Variants in NHERF4 observed in about 807,000 individuals in gnomAD.
The protein encoded by NHERF4 is NHERF family PDZ scaffold protein 4.
the NHERF4 span, chr11:119,188,405 A>G: frequency 1.9e-5 from 31 of 1,613,620 alleles, no homozygotes; most frequent in African/African-American, 3.7e-4. Flanking sequence ...GAAGGCTGGG[A>G]TGCAGGCTGG....
chr11:119,189,299 C>A, the NHERF4 span: 1 of 1,493,080 alleles, frequency 6.7e-7, no homozygotes. This position sits in a 1 kb window ranked among gnomAD's most constrained non-coding sequence, Gnocchi z 5.8. Flanking sequence ...CAAGGTGAAG[C>A]CGTGTGGGGT....
the NHERF4 span, chr11:119,187,680 C>T: frequency 6.6e-7 from 1 of 1,524,624 alleles, no homozygotes; most frequent in Admixed American, 2.3e-5. Context: ...GAAGTTCACT[C>T]ACAACCAACT....
At chr11:119,186,108 C>A in the NHERF4 span, 1 of 1,613,126 alleles carries the variant, frequency 6.2e-7, no homozygotes, top group Non-Finnish European at 8.5e-7. This position sits in a 1 kb window ranked among gnomAD's most constrained non-coding sequence, Gnocchi z 4.4. Flanking sequence ...TAAGTTTAAC[C>A]CAAAGCTGGG....
chr11:119,186,300 G>C, the NHERF4 span: 34 of 1,594,264 alleles, frequency 2.1e-5, no homozygotes, highest in Non-Finnish European at 2.9e-5. The surrounding 1 kb of genome is among the most constrained non-coding windows in gnomAD (Gnocchi z 4.4). Flanking sequence ...GAGATAGGAG[G>C]GGCCGGGTGT....
chr11:119,186,876 C>T, the NHERF4 span, among the ~76,000 whole-genome samples: 5 of 152,256 alleles, frequency 3.3e-5, no homozygotes, highest in South Asian at 4.1e-4. The surrounding 1 kb of genome is among the most constrained non-coding windows in gnomAD (Gnocchi z 4.4). Context: ...CAGTGGCTCA[C>T]GCCTGTAATC....
the NHERF4 span, chr11:119,187,491 G>A: frequency 6.2e-7 from 1 of 1,613,616 alleles, no homozygotes; most frequent in Non-Finnish European, 8.5e-7. Flanking sequence ...GGGCGGCAAG[G>A]ATGAGGGATC....
At chr11:119,188,341 T>C in the NHERF4 span, 4 of 1,613,458 alleles carry the variant, frequency 2.5e-6, no homozygotes, top group African/African-American at 5.3e-5. Context: ...GCAGTGAGGA[T>C]GTCTATGCCC....
chr11:119,187,871 C>T, the NHERF4 span: 1 of 1,476,522 alleles, frequency 6.8e-7, no homozygotes, highest in Non-Finnish European at 9.0e-7. Flanking sequence ...GGAGGAGGGG[C>T]TGTGGGGGGA....
chr11:119,185,748 C>T, the NHERF4 span: 2 of 875,630 alleles, frequency 2.3e-6, no homozygotes, highest in East Asian at 5.2e-5. Flanking sequence ...GAGGGGACCG[C>T]ACAATAGTCC....
the NHERF4 span, chr11:119,187,241 A>C: frequency 1.3e-6 from 2 of 1,553,702 alleles, no homozygotes; most frequent in Middle Eastern, 3.4e-4. Context: ...GGTCTAGACC[A>C]AACCCACGCC....
chr11:119,189,446 C>T, the NHERF4 span: 2 of 1,614,018 alleles, frequency 1.2e-6, no homozygotes, highest in Non-Finnish European at 1.7e-6. This position sits in a 1 kb window ranked among gnomAD's most constrained non-coding sequence, Gnocchi z 5.8. Flanking sequence ...GACCTTCTAC[C>T]TCCTCTCTCT....
At chr11:119,189,252 G>C in the NHERF4 span, 6 of 1,566,336 alleles carry the variant, frequency 3.8e-6, no homozygotes, top group Admixed American at 9.3e-5. The surrounding 1 kb of genome is among the most constrained non-coding windows in gnomAD (Gnocchi z 5.8). Context: ...ACAGAGGGCA[G>C]GGAGGAGTGA....
the NHERF4 span, chr11:119,186,668 TGGA>T: frequency 6.2e-7 from 1 of 1,608,920 alleles, no homozygotes; most frequent in Non-Finnish European, 8.5e-7. This position sits in a 1 kb window ranked among gnomAD's most constrained non-coding sequence, Gnocchi z 4.4. Flanking sequence ...AATGATGTTG[TGGA>T]ACACGAAGAC....
chr11:119,189,779 G>A, the NHERF4 span: 1 of 523,036 alleles, frequency 1.9e-6, no homozygotes, highest in Non-Finnish European at 3.5e-6. This position sits in a 1 kb window ranked among gnomAD's most constrained non-coding sequence, Gnocchi z 5.8. Flanking sequence ...TGTGGGTCTG[G>A]CTAGGATTGA....
At chr11:119,186,015 G>A in the NHERF4 span, 1 of 1,613,736 alleles carries the variant, frequency 6.2e-7, no homozygotes, top group Admixed American at 1.7e-5. The surrounding 1 kb of genome is among the most constrained non-coding windows in gnomAD (Gnocchi z 4.4). Flanking sequence ...GCGCTTCACT[G>A]CCATTAGCAC....
the NHERF4 span, chr11:119,188,070 G>T: frequency 1.9e-6 from 3 of 1,551,762 alleles, no homozygotes; most frequent in Admixed American, 5.9e-5. Flanking sequence ...AAGCCCCGCT[G>T]CCTGCACCTG....
chr11:119,185,607 G>A, the NHERF4 span: 1 of 1,219,446 alleles, frequency 8.2e-7, no homozygotes, highest in Non-Finnish European at 1.2e-6. Context: ...ACTTGATTTT[G>A]GGGCTTGGAG....
chr11:119,190,101 G>A, the NHERF4 span: 1 of 555,138 alleles, frequency 1.8e-6, no homozygotes, highest in Non-Finnish European at 3.1e-6. This position sits in a 1 kb window ranked among gnomAD's most constrained non-coding sequence, Gnocchi z 4.2. Context: ...GAATCTCAGG[G>A]ATAATGGGTC....
At chr11:119,188,380 G>A in the NHERF4 span, 48 of 1,613,900 alleles carry the variant, frequency 3.0e-5, no homozygotes, top group South Asian at 2.0e-4. Context: ...AGGTGGACCC[G>A]GGACTGCCAG....
Sources: gnomAD v4.1 joint callset for allele counts (sites outside exome capture counted in the v4.1 genomes callset) on GRCh38, gnomAD v4.1.1 for gene constraint, Gnocchi (gnomAD v3.1) non-coding constraint, MANE v1.5 for transcripts, NCBI Gene and HGNC (gene_info 2026-07-23, HGNC 2026-07-21) for gene names.